Variants in ANK2 observed in about 807,000 individuals in gnomAD.
ANK2 encodes ankyrin-2.
ANK2 carries 83 observed loss-of-function variants against 360.5 expected under a neutral mutation model. The ratio of observed to expected loss-of-function variants is 0.23; its 90% CI spans 0.19 to 0.28. The LOEUF is 0.28. Among genes scored for constraint, ANK2 ranks in the 10% least tolerant of loss-of-function variants. The probability of loss-of-function intolerance (pLI) is 1.00; values close to 1 mark genes in which losing one functional copy is unlikely to be tolerated. For synonymous variants in ANK2, 1,740 were observed against 1,759.5 expected (o/e 0.99, Z 0.28); for missense variants, 4,201 against 4,795.7 (o/e 0.88, Z 3.66).
chr4:112,834,437 C>T (rs1579316881), intron 1 of ANK2, among the ~76,000 whole-genome samples: 5 of 152,272 alleles, frequency 3.3e-5, no homozygotes, highest in Admixed American at 3.3e-4. Flanking sequence ...CATGCAGATT[C>T]ATTATATCAT....
At chr4:113,278,661 G>C (rs1586926707) in intron 17 of ANK2, 103 bp downstream of exon 17, 1 of 1,150,916 alleles carries the variant, frequency 8.7e-7, no homozygotes, top group Non-Finnish European at 1.3e-6. Flanking sequence ...ACTGCGACTA[G>C]TCCTAGCGAT....
rs900434423 is a variant in ANK2, at chr4:113,133,080, T to G, written c.85-41336T>G. Among the ~76,000 whole-genome samples, 138 of 152,276 alleles carry G rather than the reference T, an allele frequency of 9.1e-4. 1 individual carries two copies. The highest frequency in any genetic ancestry group is 3.2e-3 in the African/African-American group (135 of 41,564). On this transcript the variant is annotated intron_variant, in intron 1 of 45. Transcript: ENST00000357077. ...CCAGCAAGAGAAAAATGGAGTTATA[T>G]TTTGAGGGCAACGTAATTATTGGTT...
intron 26 of ANK2, among the ~76,000 whole-genome samples, chr4:113,319,891 T>C (rs1030958509): frequency 6.6e-6 from 1 of 152,190 alleles, no homozygotes; most frequent in Non-Finnish European, 1.5e-5. Context: ...TAGAGTATTG[T>C]AGGATCATAG....
At chr4:112,929,395 A>C (rs2154234657) in intron 2 of ANK2, among the ~76,000 whole-genome samples, 1 of 152,370 alleles carries the variant, frequency 6.6e-6, no homozygotes, top group East Asian at 1.9e-4. Context: ...AAGGGATTAC[A>C]ATGAGAAAGG....
the ANK2 span, among the ~76,000 whole-genome samples, chr4:112,714,595 A>G: frequency 1.1e-4 from 16 of 152,246 alleles, no homozygotes; most frequent in African/African-American, 2.9e-4. Flanking sequence ...CAATAAAACT[A>G]TATCAAAAAA....
chr4:113,167,715 C>A (rs1365485401), intron 1 of ANK2, among the ~76,000 whole-genome samples: 2 of 152,152 alleles, frequency 1.3e-5, no homozygotes, highest in Non-Finnish European at 1.5e-5. Flanking sequence ...TGTTAAACTG[C>A]ACCCAGAACT....
At chr4:113,016,840 T>C (rs1255340714) in intron 2 of ANK2, among the ~76,000 whole-genome samples, 1 of 152,164 alleles carries the variant, frequency 6.6e-6, no homozygotes, top group Non-Finnish European at 1.5e-5. Context: ...GCTGCTGCCA[T>C]TATACCCTGC....
intron 2 of ANK2, among the ~76,000 whole-genome samples, chr4:113,174,745 A>G (rs887127609): frequency 2.0e-5 from 3 of 152,160 alleles, no homozygotes; most frequent in South Asian, 2.1e-4. Context: ...CTGAATGTCA[A>G]TTTTGTTTGT....
chr4:113,048,065 T>C (rs2065149936), upstream of ANK2, among the ~76,000 whole-genome samples: 1 of 151,802 alleles, frequency 6.6e-6, no homozygotes, highest in Non-Finnish European at 1.5e-5. Context: ...CATAGGCACC[T>C]TCCAATTTCA....
At chr4:113,287,950 C>CGT (rs2065536258) in intron 19 of ANK2, among the ~76,000 whole-genome samples, 1 of 152,210 alleles carries the variant, frequency 6.6e-6, no homozygotes, top group Non-Finnish European at 1.5e-5. Context: ...AGCCTTAAGT[C>CGT]TATCCTCTCT....
At chr4:112,988,701 A>G (rs1264406539) in intron 2 of ANK2, among the ~76,000 whole-genome samples, 1 of 152,256 alleles carries the variant, frequency 6.6e-6, no homozygotes, top group African/African-American at 2.4e-5. Context: ...CTCATGACTT[A>G]TAACCTTCTT....
chr4:113,089,932 G>T (rs10029516), intron 1 of ANK2, among the ~76,000 whole-genome samples: 72,115 of 152,010 alleles, frequency 0.47, 17,566 homozygotes, highest in Non-Finnish European at 0.52. Context: ...AGCACTAATG[G>T]TTTTCTGAAA....
chr4:113,197,452 A>G (rs1005796347), intron 3 of ANK2, among the ~76,000 whole-genome samples: 1 of 152,228 alleles, frequency 6.6e-6, no homozygotes, highest in Non-Finnish European at 1.5e-5. Context: ...ATTTGGAAAA[A>G]TACAGTGCTA....
chr4:112,925,157 T>C (rs1336204074), intron 2 of ANK2, among the ~76,000 whole-genome samples: 1 of 152,178 alleles, frequency 6.6e-6, no homozygotes, highest in African/African-American at 2.4e-5. Flanking sequence ...CTTTTATAAT[T>C]AGAAACTACA....
intron 24 of ANK2, among the ~76,000 whole-genome samples, chr4:113,314,688 T>G (rs1361391865): frequency 2.0e-5 from 3 of 152,348 alleles, no homozygotes; most frequent in African/African-American, 7.2e-5. Context: ...CTGGTTATAT[T>G]ATTTTAGTGA....
At chr4:113,237,486 T>C in intron 6 of ANK2, 113 bp from the exon 7 acceptor site, 1 of 1,026,380 alleles carries the variant, frequency 9.7e-7, no homozygotes, top group Non-Finnish European at 1.6e-6. Flanking sequence ...TCCAGTAGAA[T>C]GCATTTTGCC....
intron 4 of ANK2, among the ~76,000 whole-genome samples, chr4:113,220,877 G>T (rs1241375503): frequency 6.6e-6 from 1 of 152,200 alleles, no homozygotes; most frequent in Non-Finnish European, 1.5e-5. Context: ...CTATTTATTG[G>T]ACACTTACTA....
At chr4:113,055,920 C>T (rs1055829888) in intron 1 of ANK2, among the ~76,000 whole-genome samples, 3 of 152,084 alleles carry the variant, frequency 2.0e-5, no homozygotes, top group Non-Finnish European at 2.9e-5. Flanking sequence ...TGCCATTTTG[C>T]GTCAGTTGAT....
intron 1 of ANK2, among the ~76,000 whole-genome samples, chr4:112,881,124 A>G (rs958888818): frequency 6.6e-6 from 1 of 152,248 alleles, no homozygotes; most frequent in Admixed American, 6.5e-5. Flanking sequence ...ATTATCAAGT[A>G]TCTTCTATAG....
Sources: gnomAD v4.1 joint callset for allele counts (sites outside exome capture counted in the v4.1 genomes callset) on GRCh38, gnomAD v4.1.1 for gene constraint, MANE v1.5 for transcripts, NCBI Gene and HGNC (gene_info 2026-07-23, HGNC 2026-07-21) for gene names.